NUBPL: variants seen among roughly 807,000 people sequenced by gnomAD.
NUBPL encodes iron-sulfur cluster transfer protein NUBPL.
In NUBPL, 31 loss-of-function variants were observed where a neutral mutation model predicts 45.7. The observed-to-expected ratio is 0.68, with a 90% CI of 0.51 to 0.92. The LOEUF (loss-of-function observed/expected upper bound fraction) is 0.92. Among genes scored for constraint, NUBPL ranks in the 40% least tolerant of loss-of-function variants. The probability of loss-of-function intolerance (pLI) is 0.00; values close to 1 mark genes in which losing one functional copy is unlikely to be tolerated. For synonymous variants in NUBPL, 144 were observed against 140.9 expected (o/e 1.02, Z -0.15); for missense variants, 401 against 398.7 (o/e 1.01, Z -0.05).
intron 3 of NUBPL, among the ~76,000 whole-genome samples, chr14:31,573,810 T>C (rs2033650057): frequency 6.6e-6 from 1 of 152,230 alleles, no homozygotes. Flanking sequence ...ATGAACACTT[T>C]CTATATTATT....
At chr14:31,765,695 C>A (rs562852355) in intron 6 of NUBPL, among the ~76,000 whole-genome samples, 1 of 149,958 alleles carries the variant, frequency 6.7e-6, no homozygotes, top group South Asian at 2.1e-4. Flanking sequence ...TGAATAGACT[C>A]AAAAATATCT....
chr14:31,656,738 T>A (rs2036150128), intron 4 of NUBPL, among the ~76,000 whole-genome samples: 1 of 152,050 alleles, frequency 6.6e-6, no homozygotes. Flanking sequence ...GACATACTAA[T>A]AATAAAAAAG....
chr14:31,673,495 G>C lies in NUBPL; in HGVS notation c.434G>C (p.Gly145Ala). 6.2e-7 allele frequency: 1 copy of C among 1,613,784 alleles called. No homozygotes were observed. Among genetic ancestry groups the C allele is most frequent in the African/African-American group, 1.3e-5 (1 of 75,016 alleles). Residue 145 changes from glycine to alanine, a missense_variant, in exon 6 of 11, where the codon GGC (glycine) becomes GCC (alanine). By Grantham distance (60) the Gly-to-Ala change is moderately conservative (BLOSUM62 0). Coordinates refer to ENST00000281081, the MANE Select transcript of NUBPL (RefSeq NM_025152.3). ...TGTTACTGTTGCAGTATGTCTATGG[G>C]CTTTCTGGTTGAAGAAAGTGAACCA... ...LNYGIACMSM[G>A]FLVEESEPVV...
chr14:31,671,638 T>C (rs545491025), intron 4 of NUBPL, among the ~76,000 whole-genome samples: 78 of 152,154 alleles, frequency 5.1e-4, no homozygotes, highest in Non-Finnish European at 9.7e-4. Context: ...TTGGAAAGAA[T>C]TGAGAAAATC....
intron 3 of NUBPL, among the ~76,000 whole-genome samples, chr14:31,586,815 T>A (rs1397010146): frequency 1.3e-5 from 2 of 152,150 alleles, no homozygotes; most frequent in Non-Finnish European, 2.9e-5. Flanking sequence ...TAATATCCTC[T>A]AGTTGTAAAA....
At chr14:31,700,832 C>G (rs981536942) in intron 6 of NUBPL, among the ~76,000 whole-genome samples, 9 of 152,196 alleles carry the variant, frequency 5.9e-5, no homozygotes, top group African/African-American at 1.4e-4. Context: ...CCCCTCCCCC[C>G]CACCACCGTG....
intron 6 of NUBPL, among the ~76,000 whole-genome samples, chr14:31,674,831 A>G (rs2036654475): frequency 6.6e-6 from 1 of 152,190 alleles, no homozygotes; most frequent in Admixed American, 6.5e-5. Flanking sequence ...TGACACATAA[A>G]TTGTATAAAA....
chr14:31,608,216 G>A (rs2034654628), intron 4 of NUBPL, among the ~76,000 whole-genome samples: 1 of 152,188 alleles, frequency 6.6e-6, no homozygotes, highest in Non-Finnish European at 1.5e-5. Context: ...TTTAACACCA[G>A]ACTTGAGCTA....
intron 6 of NUBPL, among the ~76,000 whole-genome samples, chr14:31,694,088 C>A (rs769369497): frequency 6.6e-6 from 1 of 152,052 alleles, no homozygotes; most frequent in Non-Finnish European, 1.5e-5. Context: ...ATCTCCTGAC[C>A]TCGTGATCTG....
At position 31,574,171 on chromosome 14, in the gene NUBPL, A is replaced by G. The variant is rs145621936; in HGVS notation, c.291+9123A>G. On this transcript the variant is annotated intron_variant, in intron 3 of 10. Transcript: ENST00000281081. Reference sequence around the variant, plus strand: ...CGCTTAGCACAGTGGCTGACCTATCATAAGTTTGAAATAAATTTTTAGTAT... The same window carrying G: ...CGCTTAGCACAGTGGCTGACCTATCGTAAGTTTGAAATAAATTTTTAGTAT... Among the ~76,000 whole-genome samples, 37 of 152,374 alleles carry G rather than the reference A, an allele frequency of 2.4e-4. 1 individual carries two copies. Among genetic ancestry groups the G allele is most frequent in the Non-Finnish European group, 5.1e-4 (35 of 68,032 alleles).
At chr14:31,640,493 T>C (rs1002472167) in intron 4 of NUBPL, among the ~76,000 whole-genome samples, 1 of 151,680 alleles carries the variant, frequency 6.6e-6, no homozygotes, top group Admixed American at 6.6e-5. Context: ...TGAATACCTG[T>C]AATCCCAGCT....
intron 7 of NUBPL, among the ~76,000 whole-genome samples, chr14:31,820,414 T>A (rs968210992): frequency 6.6e-6 from 1 of 152,196 alleles, no homozygotes; most frequent in South Asian, 2.1e-4. Flanking sequence ...AAATTTAAAT[T>A]TAACAGGTAG....
intron 6 of NUBPL, among the ~76,000 whole-genome samples, chr14:31,681,404 A>C (rs960568490): frequency 1.3e-5 from 2 of 151,354 alleles, no homozygotes; most frequent in African/African-American, 2.4e-5. Context: ...CCTTATTTCT[A>C]ATGTTAGTAA....
At chr14:31,809,204 CTT>C (rs2039751508) in intron 7 of NUBPL, among the ~76,000 whole-genome samples, 1 of 152,198 alleles carries the variant, frequency 6.6e-6, no homozygotes, top group Admixed American at 6.6e-5. Flanking sequence ...ACCAGCTCCT[CTT>C]TGTACTTCTG....
At position 31,588,929 on chromosome 14, in the gene NUBPL, A is replaced by T. The variant is rs1301025266; in HGVS notation, c.292-10360A>T. On this transcript the variant is annotated intron_variant, in intron 3 of 10. Transcript: ENST00000281081. ...ACTCCGTCTCAAAAAAAAAAAAAAAAATAGTAATTACCCATGTGATTCATA... is the reference window on the plus strand; with the variant it reads ...ACTCCGTCTCAAAAAAAAAAAAAAATATAGTAATTACCCATGTGATTCATA... Among the ~76,000 whole-genome samples the T allele has an allele frequency of 3.3e-5, 5 of 151,726 alleles. No homozygotes were observed. The East Asian group carries it at 9.7e-4, about 29-fold the overall frequency.
chr14:31,849,306 AG>A (rs1233680375), intron 9 of NUBPL, among the ~76,000 whole-genome samples: 1 of 152,216 alleles, frequency 6.6e-6, no homozygotes, highest in Non-Finnish European at 1.5e-5. Context: ...GAGAACGCTA[AG>A]TACCATGGCA....
At chr14:31,846,805 A>C (rs370561784) in intron 9 of NUBPL, among the ~76,000 whole-genome samples, 2 of 152,006 alleles carry the variant, frequency 1.3e-5, no homozygotes, top group East Asian at 3.9e-4. Flanking sequence ...AAATACAAAA[A>C]ATTATCCAGG....
intron 4 of NUBPL, among the ~76,000 whole-genome samples, chr14:31,603,547 G>A (rs2034504274): frequency 6.6e-6 from 1 of 151,972 alleles, no homozygotes; most frequent in South Asian, 2.1e-4. Flanking sequence ...GATTATTTTT[G>A]TTGTCATTAA....
chr14:31,606,099 C>CTTTTT (rs56899102), intron 4 of NUBPL, among the ~76,000 whole-genome samples: 61 of 120,480 alleles, frequency 5.1e-4, no homozygotes, highest in Middle Eastern at 4.6e-3. Flanking sequence ...CTTTTCTTTT[C>CTTTTT]TTTTTTTTTT....
Sources: gnomAD v4.1 joint callset for allele counts (sites outside exome capture counted in the v4.1 genomes callset) on GRCh38, gnomAD v4.1.1 for gene constraint, MANE v1.5 for transcripts, NCBI Gene and HGNC (gene_info 2026-07-23, HGNC 2026-07-21) for gene names.